Variants in EPHA6 observed in about 807,000 individuals in gnomAD.
EPHA6 encodes the protein EPH receptor A6, also known as ephrin type-A receptor 6.
A neutral mutation model predicts 112.0 loss-of-function variants in EPHA6; 50 were observed. The ratio of observed to expected loss-of-function variants is 0.45; its 90% CI spans 0.36 to 0.56. EPHA6 has a LOEUF of 0.56. Among genes scored for constraint, EPHA6 ranks in the 20% least tolerant of loss-of-function variants. The pLI is 0.00. For missense variants in EPHA6, 1,280 were observed against 1,417.4 expected, an observed-to-expected ratio of 0.90 and a Z score of 1.56; for synonymous variants, 529 against 490.7, an observed-to-expected ratio of 1.08 and a Z score of -1.03.
At position 97,749,896 on chromosome 3, in the gene EPHA6, A is replaced by C. The variant is rs1309590098; in HGVS notation, c.*1195A>C. On this transcript the variant is annotated 3_prime_UTR_variant, in exon 18 of 18. Coordinates refer to ENST00000389672, the MANE Select transcript of EPHA6 (RefSeq NM_001080448.3). ...AATAAGTATGAATACTCCAAAGAGC[A>C]TATAAACAGATCTTACACATGAGCA... Among the ~76,000 whole-genome samples the C allele has an allele frequency of 6.6e-6, 1 of 152,202 alleles. No homozygotes were observed. Among genetic ancestry groups the C allele is most frequent in the Non-Finnish European group, 1.5e-5 (1 of 68,026 alleles).
At chr3:97,301,331 A>G (rs943005565) in intron 5 of EPHA6, among the ~76,000 whole-genome samples, 1 of 152,178 alleles carries the variant, frequency 6.6e-6, no homozygotes, top group Non-Finnish European at 1.5e-5. Context: ...CAGCATGCTG[A>G]CTAAGCAGAT....
chr3:97,321,871 G>C (rs1280865517), intron 5 of EPHA6, among the ~76,000 whole-genome samples: 1 of 151,952 alleles, frequency 6.6e-6, no homozygotes, highest in Non-Finnish European at 1.5e-5. Flanking sequence ...AATTTTCAAG[G>C]CTCAGTGTAA....
At chr3:97,585,781 T>C (rs1221332744) in intron 11 of EPHA6, among the ~76,000 whole-genome samples, 1 of 151,096 alleles carries the variant, frequency 6.6e-6, no homozygotes, top group Non-Finnish European at 1.5e-5. Context: ...GATTGCATCT[T>C]TGGATTAGTT....
rs201860306 is a variant in EPHA6, at chr3:97,016,041, A to G, written c.1114+28048A>G. 5.8e-3 allele frequency among the ~76,000 whole-genome samples: 610 copies of G among 105,088 alleles called. 1 individual carries two copies. Among genetic ancestry groups the G allele is most frequent in the Non-Finnish European group, 7.5e-3 (378 of 50,300 alleles). The allele number at this position is 105,088 out of a possible 152,430, so 68.9% of individuals were successfully genotyped here. A position where few individuals can be genotyped will look rare whatever the true frequency, so the allele number is the denominator to read the frequency against. Reference sequence around the variant, plus strand: ...ATTCTTCCATTCTTCATTCTTCCTGAAAAAAAAAAAAAAATCAACAGCTTC... The same window carrying G: ...ATTCTTCCATTCTTCATTCTTCCTGGAAAAAAAAAAAAAATCAACAGCTTC... On this transcript the variant is annotated intron_variant, in intron 3 of 17. Transcript: ENST00000389672.
At chr3:97,492,170 AC>A (rs10530656) in intron 10 of EPHA6, among the ~76,000 whole-genome samples, 39,339 of 151,694 alleles carry the variant, frequency 0.26, 9,210 homozygotes, top group African/African-American at 0.62. Context: ...TTTGCTTTGC[AC>A]CCCCTAATGA....
At position 97,749,425 on chromosome 3, in the gene EPHA6, C is replaced by T. The variant is rs541331782; in HGVS notation, c.*724C>T. Among the ~76,000 whole-genome samples, 33 of 152,060 alleles carry T rather than the reference C, an allele frequency of 2.2e-4. No individual in the cohort carries two copies. Among genetic ancestry groups the T allele is most frequent in the African/African-American group, 8.0e-4 (33 of 41,472 alleles). ...TAGGTGGTAGTTTAAAGGCTTTTCA[C>T]CTCTAATTTTATTTATTTATTTATT... On this transcript the variant is annotated 3_prime_UTR_variant, in exon 18 of 18. Coordinates refer to ENST00000389672, the MANE Select transcript of EPHA6 (RefSeq NM_001080448.3).
intron 4 of EPHA6, among the ~76,000 whole-genome samples, chr3:97,233,683 G>T (rs1294318343): frequency 6.6e-6 from 1 of 152,058 alleles, no homozygotes; most frequent in Admixed American, 6.6e-5. Flanking sequence ...TGGTGTCTTG[G>T]TCAATCTTAG....
Position 97,173,770 on chromosome 3 carries a change from G to T in EPHA6, c.1115-52494G>T, listed in dbSNP as rs557863417. On this transcript the variant is annotated intron_variant, in intron 3 of 17. Coordinates refer to ENST00000389672, the MANE Select transcript of EPHA6 (RefSeq NM_001080448.3). The stretch of plus-strand genomic sequence containing the variant: ...ACATTTAAGTGCAAACATGTAAGAG[G>T]TGTATATAGTTATAAAGTACATGAG... Among the ~76,000 whole-genome samples the T allele has an allele frequency of 4.6e-5, 7 of 151,814 alleles. No individual in the cohort carries two copies. In the South Asian group the frequency reaches 1.0e-3, roughly 23 times the overall value.
chr3:97,112,008 T>C (rs2047738385), intron 3 of EPHA6, among the ~76,000 whole-genome samples: 1 of 152,154 alleles, frequency 6.6e-6, no homozygotes, highest in South Asian at 2.1e-4. Flanking sequence ...TTGTAAGACA[T>C]TTGCCCATCT....
chr3:97,477,884 G>A (rs1370844688), intron 8 of EPHA6, among the ~76,000 whole-genome samples: 4 of 152,006 alleles, frequency 2.6e-5, no homozygotes, highest in Non-Finnish European at 5.9e-5. Flanking sequence ...TAACTACAAA[G>A]ACACAAATTT....
intron 12 of EPHA6, among the ~76,000 whole-genome samples, chr3:97,609,671 A>G (rs946156522): frequency 6.6e-6 from 1 of 151,464 alleles, no homozygotes; most frequent in African/African-American, 2.4e-5. Context: ...ACATTGTACT[A>G]ATTCGTAATA....
chr3:97,541,636 G>A (rs1371094615), intron 11 of EPHA6, among the ~76,000 whole-genome samples: 1 of 150,536 alleles, frequency 6.6e-6, no homozygotes, highest in East Asian at 2.0e-4. Flanking sequence ...ACCTTTCCTT[G>A]TCTTTTATGA....
intron 2 of EPHA6, among the ~76,000 whole-genome samples, chr3:96,932,164 T>A (rs181160392): frequency 3.9e-5 from 6 of 152,252 alleles, no homozygotes; most frequent in Admixed American, 2.6e-4. Context: ...TTTTCTTCAT[T>A]CTCTGTGGAT....
chr3:97,541,859 T>C (rs1026556800), intron 11 of EPHA6, among the ~76,000 whole-genome samples: 2 of 151,796 alleles, frequency 1.3e-5, no homozygotes, highest in African/African-American at 4.8e-5. Context: ...AGGGTTCTCT[T>C]AGAAGGACAG....
intron 14 of EPHA6, among the ~76,000 whole-genome samples, chr3:97,694,587 A>T (rs1341374999): frequency 3.3e-5 from 5 of 152,136 alleles, no homozygotes; most frequent in African/African-American, 1.2e-4. Context: ...AAGGGGCAAA[A>T]TTTCAGGAAA....
intron 14 of EPHA6, among the ~76,000 whole-genome samples, chr3:97,669,135 G>A (rs1241535972): frequency 2.0e-5 from 3 of 151,856 alleles, no homozygotes; most frequent in Non-Finnish European, 2.9e-5. Flanking sequence ...TACACTAACT[G>A]TAGGCTCTGA....
chr3:97,284,070 C>T (rs868849800), intron 5 of EPHA6, among the ~76,000 whole-genome samples: 5 of 152,048 alleles, frequency 3.3e-5, no homozygotes, highest in Admixed American at 6.6e-5. Flanking sequence ...ACTCAATGCA[C>T]AGCAATTAAT....
chr3:97,633,844 C>T (rs1296022722), intron 13 of EPHA6, among the ~76,000 whole-genome samples: 1 of 152,046 alleles, frequency 6.6e-6, no homozygotes, highest in Admixed American at 6.6e-5. Context: ...AGAACTGTGT[C>T]ATTTGTAGAG....
chr3:96,845,665 A>G (rs1038828164), intron 1 of EPHA6, among the ~76,000 whole-genome samples: 20 of 140,584 alleles, frequency 1.4e-4, no homozygotes, highest in Admixed American at 2.9e-4. Flanking sequence ...TCACTTTATC[A>G]GGTTTTTCTT....
Sources: allele counts gnomAD v4.1 joint callset (sites outside exome capture counted in the v4.1 genomes callset), GRCh38; gene constraint gnomAD v4.1.1; transcripts MANE v1.5; gene names NCBI Gene and HGNC (gene_info 2026-07-23, HGNC 2026-07-21).